MED14: variants seen among roughly 807,000 people sequenced by gnomAD.
MED14 encodes mediator of RNA polymerase II transcription subunit 14.
MED14 carries 8 observed loss-of-function variants against 109.0 expected under a neutral mutation model. That is an observed-to-expected ratio of 0.07 (90% CI 0.04 to 0.13). The LOEUF (loss-of-function observed/expected upper bound fraction) is 0.13. MED14 is among the 10% of genes least tolerant of loss of function. The pLI, the probability that MED14 is intolerant of heterozygous loss-of-function variation, is 1.00. For missense variants in MED14, 711 were observed against 1,142.4 expected (o/e 0.62, Z 5.44); for synonymous variants, 399 against 408.7 (o/e 0.98, Z 0.29).
chrX:40,714,470 T>C lies in MED14; in HGVS notation c.522+67A>G, dbSNP rs1931447612. The C allele has an allele frequency of 3.7e-6, 4 of 1,095,359 alleles. No individual in the cohort carries two copies. In the African/African-American group the frequency reaches 7.4e-5, roughly 20 times the overall value. 90.3% of individuals were successfully genotyped at this position (1,095,359 alleles called of 1,213,427 possible). A position where few individuals can be genotyped will look rare whatever the true frequency, so the allele number is the denominator to read the frequency against. On this transcript the variant is annotated intron_variant, in intron 4 of 30. Coordinates refer to ENST00000324817, the MANE Select transcript of MED14 (RefSeq NM_004229.4). ...CAATGTTTTTTGCTGGGCTACTTAA[T>C]AATACAATCCAATCCAGTGCCAAAA...
intron 10 of MED14, among the ~76,000 whole-genome samples, chrX:40,705,317 G>A (rs1012534949): frequency 2.7e-5 from 3 of 112,127 alleles, no homozygotes; most frequent in African/African-American, 9.7e-5. Context: ...TGGCAACAGA[G>A]TAAAACTAGT....
chrX:40,659,812 T>C (rs1461485337), intron 26 of MED14: 1 of 346,633 alleles, frequency 2.9e-6, no homozygotes, highest in Non-Finnish European at 4.9e-6. Context: ...AACATAACTC[T>C]ACCTATGAAG....
chrX:40,735,382 G>C lies in MED14; in HGVS notation c.31C>G (p.Leu11Val). MAPVQLENHQ[L>V]VPPGGGGGGS... ...CCGCCGCCGCCTCCGGGCGGGACCA[G>C]CTGGTGGTTCTCCAGCTGCACTGGG... Residue 11 changes from leucine (L) to valine (V), a missense_variant, in exon 1 of 31, where the codon CTG (leucine) becomes GTG (valine). Around this residue, in one of 8 missense-constraint regions of MED14, gnomAD observed 62 missense variants for 55.2 expected, o/e 1.12. Transcript: ENST00000324817. 1 of 1,076,150 alleles carries C rather than the reference G, an allele frequency of 9.3e-7. No individual in the cohort carries two copies. The highest frequency in any genetic ancestry group is 1.2e-6 in the Non-Finnish European group (1 of 833,380). The allele number at this position is 1,076,150 out of a possible 1,213,427, so 88.7% of individuals were successfully genotyped here.
At chrX:40,701,049 G>C (rs965043205) in intron 12 of MED14, 116 bp downstream of exon 12, 1 of 462,344 alleles carries the variant, frequency 2.2e-6, no homozygotes, top group African/African-American at 2.4e-5. Context: ...CGGCACTTAA[G>C]TTTCATGTCA....
chrX:40,677,415 T>C (rs1160392905), intron 21 of MED14, among the ~76,000 whole-genome samples: 1 of 111,132 alleles, frequency 9.0e-6, no homozygotes, highest in Non-Finnish European at 1.9e-5. Context: ...CGCTTAACAT[T>C]TGAGGAAAGA....
chrX:40,698,789 T>C (rs1470090473), intron 12 of MED14, among the ~76,000 whole-genome samples: 1 of 112,141 alleles, frequency 8.9e-6, no homozygotes, highest in Non-Finnish European at 1.9e-5. Flanking sequence ...TGTAGAGAAA[T>C]GGAAATTCTC....
Position 40,735,214 on chromosome X carries a change from T to C in MED14, c.199A>G (p.Met67Val). 8.8e-7 allele frequency: 1 copy of C among 1,135,263 alleles called. No homozygotes were observed. Among genetic ancestry groups the C allele is most frequent in the Non-Finnish European group, 1.2e-6 (1 of 855,328 alleles). 93.6% of individuals were successfully genotyped at this position (1,135,263 alleles called of 1,213,427 possible). ...GGCACTTACAGGTCCGTCAACACCA[T>C]AAGCTCCGAGTAGGCCCGGTGCAGC... Reference protein sequence around the residue: ...FLLHRAYSELMVLTDLLPRKS... With the variant: ...FLLHRAYSELVVLTDLLPRKS... The change falls in exon 1 of 31, where the codon ATG (methionine) becomes GTG (valine). Residue 67 changes from methionine to valine, a missense_variant. Met to Val is a conservative substitution (Grantham distance 21). This residue lies in a region of MED14 where 31 missense variants were observed against 79.3 expected (regional missense o/e 0.39). Transcript: ENST00000324817.
In MED14 at chrX:40,709,445, T is replaced by A; in HGVS notation, c.1188A>T (p.Ser396=). ...VERAMKIDHL[S]IEKLLIDSVH... ...CACTGTCAATCAGGAGTTTTTCTATTGATAAGTGGTCGATCTGCATAAATA... is the reference window on the plus strand; with the variant it reads ...CACTGTCAATCAGGAGTTTTTCTATAGATAAGTGGTCGATCTGCATAAATA... The change falls in exon 10 of 31, where the codon TCA becomes TCT. Residue 396 remains serine (S), a synonymous_variant. Coordinates refer to ENST00000324817, the MANE Select transcript of MED14 (RefSeq NM_004229.4). The A allele has an allele frequency of 9.0e-7, 1 of 1,105,269 alleles. No individual in the cohort carries two copies. Among genetic ancestry groups the A allele is most frequent in the Middle Eastern group, 2.5e-4 (1 of 3,975 alleles). The allele number at this position is 1,105,269 out of a possible 1,213,427, so 91.1% of individuals were successfully genotyped here. A position where few individuals can be genotyped will look rare whatever the true frequency, so the allele number is the denominator to read the frequency against.
intron 13 of MED14, among the ~76,000 whole-genome samples, chrX:40,695,506 T>C (rs1404761624): frequency 8.9e-6 from 1 of 112,112 alleles, no homozygotes; most frequent in African/African-American, 3.2e-5. Context: ...ATGAAACAAA[T>C]TATTGCTTTA....
chrX:40,690,760 T>C (rs1214714822), intron 15 of MED14, among the ~76,000 whole-genome samples: 1 of 112,026 alleles, frequency 8.9e-6, no homozygotes, highest in African/African-American at 3.3e-5. Flanking sequence ...AACACAGCCA[T>C]GCTCATTTGT....
At chrX:40,687,329 T>TAC (rs1056981505) in intron 16 of MED14, among the ~76,000 whole-genome samples, 2 of 111,781 alleles carry the variant, frequency 1.8e-5, no homozygotes, top group African/African-American at 3.3e-5. Flanking sequence ...GAACGTACCC[T>TAC]ACTCTGAGCT....
At chrX:40,669,811 G>A (rs1929652107) in intron 23 of MED14, among the ~76,000 whole-genome samples, 1 of 111,523 alleles carries the variant, frequency 9.0e-6, no homozygotes, top group African/African-American at 3.3e-5. Flanking sequence ...CCATGTCCCT[G>A]CACCTGGGTA....
chrX:40,718,701 T>C (rs948217060), intron 3 of MED14, among the ~76,000 whole-genome samples: 9 of 110,273 alleles, frequency 8.2e-5, no homozygotes, highest in African/African-American at 3.0e-4. Flanking sequence ...ATGGGCACAG[T>C]AGTGTGAGTG....
Position 40,719,171 on chromosome X carries a change from G to A in MED14, c.349-4461C>T, listed in dbSNP as rs375195887. Among the ~76,000 whole-genome samples the A allele has an allele frequency of 2.7e-5, 3 of 112,263 alleles. No individual in the cohort carries two copies. The East Asian group carries it at 8.4e-4, about 31-fold the overall frequency. On this transcript the variant is annotated intron_variant, in intron 3 of 30. Transcript: ENST00000324817. ...TCAGGTAACAACCAGTGTTGGCATA[G>A]ATGTGGAGAAACTAAACTTCCATAC...
intron 9 of MED14, among the ~76,000 whole-genome samples, chrX:40,709,669 A>C (rs1258614591): frequency 8.9e-6 from 1 of 112,384 alleles, no homozygotes; most frequent in Admixed American, 9.4e-5. Flanking sequence ...TAAAAACTAT[A>C]GTTAACATTT....
Position 40,712,299 on chromosome X carries a change from G to T in MED14, c.782-6C>A. On this transcript the variant is annotated splice_region_variant and splice_polypyrimidine_tract_variant and intron_variant, in intron 6 of 30. Transcript: ENST00000324817. ...ATGAACCAAAGCTCGCCCATCTTCC[G>T]TTGGCAGAAGAAAAGAAAGCAGTTA... is the stretch of plus-strand genomic sequence containing the variant. 8.5e-7 allele frequency: 1 copy of T among 1,174,820 alleles called. No homozygotes were observed. The highest frequency in any genetic ancestry group is 1.2e-6 in the Non-Finnish European group (1 of 867,659).
At chrX:40,687,346 A>C (rs1388591530) in intron 16 of MED14, among the ~76,000 whole-genome samples, 1 of 111,646 alleles carries the variant, frequency 9.0e-6, no homozygotes, top group African/African-American at 3.3e-5. Flanking sequence ...AGCTACCAAC[A>C]ACTCTAATGT....
intron 10 of MED14, among the ~76,000 whole-genome samples, chrX:40,704,881 G>A (rs950396908): frequency 4.5e-5 from 5 of 111,302 alleles, no homozygotes; most frequent in Non-Finnish European, 7.5e-5. Context: ...GCTTAATGAA[G>A]CATTTTGGAT....
intron 23 of MED14, among the ~76,000 whole-genome samples, chrX:40,670,710 G>A (rs1022614950): frequency 7.3e-5 from 8 of 109,192 alleles, no homozygotes; most frequent in Admixed American, 4.8e-4. Context: ...GCAGTGAGCC[G>A]AGATTGCGCC....
Sources: allele counts gnomAD v4.1 joint callset (sites outside exome capture counted in the v4.1 genomes callset), GRCh38; gene constraint gnomAD v4.1.1; regional missense constraint gnomAD v4.1.1; transcripts MANE v1.5; gene names NCBI Gene and HGNC (gene_info 2026-07-23, HGNC 2026-07-21).